Variants in TNIK observed in about 807,000 individuals in gnomAD.
TNIK encodes TRAF2 and NCK-interacting protein kinase.
TNIK carries 49 observed loss-of-function variants against 191.3 expected under a neutral mutation model. That is an observed-to-expected ratio of 0.26 (90% CI 0.20 to 0.32). The LOEUF (loss-of-function observed/expected upper bound fraction) is 0.32, where lower values mean the gene tolerates loss of function less well. Among genes scored for constraint, TNIK ranks in the 10% least tolerant of loss-of-function variants. The pLI is 1.00. For missense variants in TNIK, 1,155 were observed against 1,702.3 expected, an observed-to-expected ratio of 0.68 and a Z score of 5.66; for synonymous variants, 594 against 600.9, an observed-to-expected ratio of 0.99 and a Z score of 0.17.
At chr3:171,393,786 T>C (rs1383103581) in intron 1 of TNIK, among the ~76,000 whole-genome samples, 1 of 152,218 alleles carries the variant, frequency 6.6e-6, no homozygotes, top group East Asian at 1.9e-4. Flanking sequence ...TCAAATGTCA[T>C]GTTCATTTAT....
chr3:171,432,863 C>G (rs1282352246), intron 1 of TNIK, among the ~76,000 whole-genome samples: 2 of 152,026 alleles, frequency 1.3e-5, no homozygotes, highest in East Asian at 3.8e-4. Flanking sequence ...CATGTAATGA[C>G]CAATTTAATG....
chr3:171,419,710 G>A (rs1299448756), intron 1 of TNIK, among the ~76,000 whole-genome samples: 1 of 152,170 alleles, frequency 6.6e-6, no homozygotes, highest in East Asian at 1.9e-4. Flanking sequence ...TTCTCAGTTG[G>A]TGTGAAAATG....
At chr3:171,120,156 G>A (rs1172300393) in intron 18 of TNIK, among the ~76,000 whole-genome samples, 1 of 152,092 alleles carries the variant, frequency 6.6e-6, no homozygotes, top group Admixed American at 6.5e-5. Context: ...ATAGTTTACT[G>A]ATTTAAACAT....
At chr3:171,279,659 A>G (rs6444975) in intron 2 of TNIK, among the ~76,000 whole-genome samples, 61,285 of 152,014 alleles carry the variant, frequency 0.4, 12,842 homozygotes, top group African/African-American at 0.42. Context: ...TATTAAGTGC[A>G]CTTAACATTT....
chr3:171,216,033 T>A (rs1741417399), intron 3 of TNIK, among the ~76,000 whole-genome samples: 1 of 152,180 alleles, frequency 6.6e-6, no homozygotes, highest in African/African-American at 2.4e-5. Flanking sequence ...TCATCTGCAC[T>A]GCTTTCACAG....
At chr3:171,352,911 T>C (rs1713439543) in intron 2 of TNIK, among the ~76,000 whole-genome samples, 1 of 152,192 alleles carries the variant, frequency 6.6e-6, no homozygotes, top group Admixed American at 6.5e-5. Context: ...AGTTATTTGA[T>C]TGACCCAAGC....
intron 1 of TNIK, among the ~76,000 whole-genome samples, chr3:171,384,746 T>G (rs1158510736): frequency 2.0e-5 from 3 of 152,174 alleles, no homozygotes; most frequent in Non-Finnish European, 4.4e-5. Flanking sequence ...AAAAATAGAT[T>G]AAAATACATG....
At chr3:171,323,598 C>T (rs1755412765) in intron 2 of TNIK, among the ~76,000 whole-genome samples, 1 of 152,160 alleles carries the variant, frequency 6.6e-6, no homozygotes, top group South Asian at 2.1e-4. Flanking sequence ...ATGTTCATTA[C>T]AATTTCGCGA....
At chr3:171,432,242 C>T (rs1486985231) in intron 1 of TNIK, among the ~76,000 whole-genome samples, 1 of 152,072 alleles carries the variant, frequency 6.6e-6, no homozygotes, top group Non-Finnish European at 1.5e-5. Flanking sequence ...CTGTGAAAGA[C>T]AAACATGATC....
At chr3:171,377,930 A>G (rs1473097809) in intron 1 of TNIK, among the ~76,000 whole-genome samples, 2 of 152,198 alleles carry the variant, frequency 1.3e-5, no homozygotes, top group East Asian at 1.9e-4. Context: ...CAAGTCCATT[A>G]TTACTCATTT....
chr3:171,437,654 A>C (rs1352837), intron 1 of TNIK, among the ~76,000 whole-genome samples: 2,909 of 152,318 alleles, frequency 0.019, 34 homozygotes, highest in East Asian at 0.068. Context: ...ACAGTCAGGG[A>C]GGTGAGAGTA....
intron 18 of TNIK, among the ~76,000 whole-genome samples, chr3:171,116,624 C>A (rs1190891726): frequency 6.6e-6 from 1 of 152,142 alleles, no homozygotes; most frequent in Non-Finnish European, 1.5e-5. Context: ...AGAAATGAGT[C>A]ATAAGAAAAT....
At chr3:171,320,484 T>C (rs1755057576) in intron 2 of TNIK, among the ~76,000 whole-genome samples, 1 of 152,216 alleles carries the variant, frequency 6.6e-6, no homozygotes, top group Admixed American at 6.5e-5. Context: ...AATTGTGTTT[T>C]ATGACACTTA....
chr3:171,213,698 A>G lies in TNIK; in HGVS notation c.181-2457T>C, dbSNP rs529792379. On this transcript the variant is annotated intron_variant, in intron 3 of 32. Coordinates refer to ENST00000436636, the MANE Select transcript of TNIK (RefSeq NM_015028.4). ...CATTTTGCAAAGGTAAACTGAGGCA[A>G]TATGACAATAAGGACAGCATATGCA... Among the ~76,000 whole-genome samples the G allele has an allele frequency of 2.0e-5, 3 of 152,312 alleles. No homozygotes were observed. In the East Asian group the frequency reaches 5.8e-4, roughly 29 times the overall value.
intron 2 of TNIK, among the ~76,000 whole-genome samples, chr3:171,264,071 C>T (rs564990394): frequency 7.2e-4 from 38 of 52,610 alleles, no homozygotes; most frequent in South Asian, 2.8e-3. Flanking sequence ...TATACATACA[C>T]ACACACACAC....
chr3:171,379,375 T>C (rs982296082), intron 1 of TNIK, among the ~76,000 whole-genome samples: 11 of 152,204 alleles, frequency 7.2e-5, no homozygotes, highest in African/African-American at 2.7e-4. Flanking sequence ...CTTGTAACAC[T>C]GACTTGAATA....
intron 2 of TNIK, among the ~76,000 whole-genome samples, chr3:171,237,946 G>C (rs569913832): frequency 7.2e-5 from 11 of 152,262 alleles, no homozygotes; most frequent in Admixed American, 6.5e-4. Flanking sequence ...GACGTCATCT[G>C]ACTGGAGACA....
chr3:171,402,721 C>A (rs936496131), intron 1 of TNIK, among the ~76,000 whole-genome samples: 4 of 152,274 alleles, frequency 2.6e-5, no homozygotes, highest in Admixed American at 2.6e-4. Context: ...GGTTAGCTCT[C>A]CAAAATTTAG....
At chr3:171,107,280 C>A in intron 20 of TNIK, 74 bp from the exon 21 acceptor site, 2 of 1,455,192 alleles carry the variant, frequency 1.4e-6, no homozygotes, top group South Asian at 1.3e-5. Context: ...GCAGATTAGA[C>A]ACAAAATTGT....
Sources: gnomAD v4.1 joint callset for allele counts (sites outside exome capture counted in the v4.1 genomes callset) on GRCh38, gnomAD v4.1.1 for gene constraint, MANE v1.5 for transcripts, NCBI Gene and HGNC (gene_info 2026-07-23, HGNC 2026-07-21) for gene names.